Variants in CDH17 observed in about 807,000 individuals in gnomAD.
CDH17 encodes cadherin-17.
In CDH17, 67 loss-of-function variants were observed where a neutral mutation model predicts 86.3. That is an observed-to-expected ratio of 0.78 (90% CI 0.64 to 0.95). The LOEUF is 0.95. Ranked by LOEUF, CDH17 falls within the 40% of genes least tolerant of loss-of-function variation. The pLI is 0.00. For synonymous variants in CDH17, 367 were observed against 366.4 expected (o/e 1.00, Z -0.02); for missense variants, 993 against 1,017.6 (o/e 0.98, Z 0.33).
Position 94,127,511 on chromosome 8 carries a change from A to AT in CDH17, c.*728dup, listed in dbSNP as rs553491596. 1.3e-5 allele frequency: 2 copies of AT among 152,154 alleles called. No individual in the cohort carries two copies. The highest frequency in any genetic ancestry group is 2.9e-5 in the Non-Finnish European group (2 of 68,020). The allele number at this position is 152,154 out of a possible 1,614,324, so 9.4% of individuals were successfully genotyped here. ...TACTAAGGGAAAAGGCTGTTCTTTT[A>AT]TTTATTTATTTTTCCTGAGTCCTCA... is the stretch of plus-strand genomic sequence containing the variant. On this transcript the variant is annotated 3_prime_UTR_variant, in exon 18 of 18. Coordinates refer to ENST00000027335, the MANE Select transcript of CDH17 (RefSeq NM_004063.4).
chr8:94,149,003 TG>T, intron 13 of CDH17, 129 bp from the exon 14 acceptor site: 1 of 631,788 alleles, frequency 1.6e-6, no homozygotes, highest in Non-Finnish European at 2.5e-6. Flanking sequence ...CAAATGATAA[TG>T]CTGAGATTAT....
At chr8:94,189,949 C>A (rs1212263042) in intron 2 of CDH17, among the ~76,000 whole-genome samples, 2 of 152,168 alleles carry the variant, frequency 1.3e-5, no homozygotes, top group African/African-American at 4.8e-5. Context: ...TAAGCAGTAG[C>A]CCCACAATGG....
chr8:94,157,579 T>C lies in CDH17; in HGVS notation c.1551+2392A>G, dbSNP rs530034231. 4.0e-4 allele frequency among the ~76,000 whole-genome samples: 61 copies of C among 152,298 alleles called. 1 individual carries two copies. The South Asian group carries it at 0.013, about 32-fold the overall frequency. ...GAAAGTTTGTTAATTAGCAAAGTGA[T>C]CTTACAAATAAATTTTCTTGGTGAT... is the stretch of plus-strand genomic sequence containing the variant. On this transcript the variant is annotated intron_variant, in intron 12 of 17. Transcript: ENST00000027335.
intron 12 of CDH17, among the ~76,000 whole-genome samples, chr8:94,156,302 G>T (rs1812948147): frequency 2.0e-5 from 3 of 152,176 alleles, no homozygotes; most frequent in African/African-American, 7.2e-5. Context: ...TAGTTTTCCA[G>T]ATGACATTTG....
At chr8:94,209,102 G>C (rs1814082401), upstream of CDH17, among the ~76,000 whole-genome samples, 1 of 152,140 alleles carries the variant, frequency 6.6e-6, no homozygotes, top group African/African-American at 2.4e-5. Context: ...TCCAAAGTCT[G>C]CAAGAAACAA....
At position 94,132,935 on chromosome 8, in the gene CDH17, A is replaced by G. The variant is rs1812448188; in HGVS notation, c.2168-1943T>C. Among the ~76,000 whole-genome samples, 11 of 152,274 alleles carry G rather than the reference A, an allele frequency of 7.2e-5. 1 individual carries two copies. In the South Asian group the frequency reaches 2.3e-3, roughly 32 times the overall value. On this transcript the variant is annotated intron_variant, in intron 15 of 17. Coordinates refer to ENST00000027335, the MANE Select transcript of CDH17 (RefSeq NM_004063.4). ...TTATTAAATAGGGAATCCTTTCCCC[A>G]TTGCTTGTTTTTCTCCGGTTTGTCA...
chr8:94,200,832 C>A (rs1159492863), intron 1 of CDH17, among the ~76,000 whole-genome samples: 1 of 152,106 alleles, frequency 6.6e-6, no homozygotes, highest in African/African-American at 2.4e-5. Context: ...TGACTGAAAA[C>A]AATTTGCTGC....
intron 9 of CDH17, among the ~76,000 whole-genome samples, chr8:94,167,991 T>G (rs1438995916): frequency 1.3e-5 from 2 of 150,150 alleles, no homozygotes; most frequent in African/African-American, 4.9e-5. Flanking sequence ...TATGAATACA[T>G]AAGACTTGGT....
chr8:94,162,106 G>C lies in CDH17; in HGVS notation c.1339C>G (p.Pro447Ala). Residue 447 changes from proline to alanine, a missense_variant, in exon 11 of 18, where the codon CCC becomes GCC. Transcript: ENST00000027335. ...INVIDINDQI[P>A]IFEKSDYGNL... is the part of the protein sequence containing the mutation. Reference sequence around the variant, plus strand: ...CTCACATCTGATTTTTCAAAGATGGGGATCTGATCATTGATATCAATAACG... The same window carrying C: ...CTCACATCTGATTTTTCAAAGATGGCGATCTGATCATTGATATCAATAACG... 2 of 1,601,430 alleles carry C rather than the reference G, an allele frequency of 1.2e-6. No individual in the cohort carries two copies. The highest frequency in any genetic ancestry group is 1.7e-6 in the Non-Finnish European group (2 of 1,168,750).
intron 13 of CDH17, among the ~76,000 whole-genome samples, chr8:94,150,313 G>C (rs930695861): frequency 6.6e-6 from 1 of 152,136 alleles, no homozygotes; most frequent in African/African-American, 2.4e-5. Flanking sequence ...GGACGGCAGG[G>C]GCAAGGACGA....
intron 12 of CDH17, among the ~76,000 whole-genome samples, chr8:94,159,339 T>C (rs1813004084): frequency 6.6e-6 from 1 of 151,988 alleles, no homozygotes. Context: ...AGCAATACAG[T>C]AAAAGGTGAA....
rs186673641 is a variant in CDH17, at chr8:94,128,175, A to C, written c.*65T>G. 396 of 971,874 alleles carry C rather than the reference A, an allele frequency of 4.1e-4. No homozygotes were observed. In the African/African-American group the frequency reaches 5.7e-3, roughly 14 times the overall value. 60.2% of individuals were successfully genotyped at this position (971,874 alleles called of 1,614,324 possible). On this transcript the variant is annotated 3_prime_UTR_variant, in exon 18 of 18. Transcript: ENST00000027335. ...TATAATGCACGTTAGATGAAAAGTA[A>C]TAGGATGAGATGGTTGTTGCTGAAA...
chr8:94,199,046 T>TATATATATATATATAG (rs1813842652), intron 1 of CDH17, among the ~76,000 whole-genome samples: 1 of 20,508 alleles, frequency 4.9e-5, no homozygotes, highest in African/African-American at 2.5e-4. Context: ...TTGATATATA[T>TATATATATATATATAG]ATATATATAT....
Position 94,162,121 on chromosome 8 carries a change from T to C in CDH17, c.1324A>G (p.Ile442Val). Residue 442 changes from isoleucine to valine, a missense_variant, in exon 11 of 18, where the codon ATC (isoleucine) becomes GTC (valine). Ile to Val is a conservative substitution (Grantham distance 29). Transcript: ENST00000027335. ...TCAAAGATGGGGATCTGATCATTGATATCAATAACGTTGATTTGCACAAAA... is the reference window on the plus strand; with the variant it reads ...TCAAAGATGGGGATCTGATCATTGACATCAATAACGTTGATTTGCACAAAA... ...LCFVQINVID[I>V]NDQIPIFEKS... 6.2e-7 allele frequency: 1 copy of C among 1,608,314 alleles called. No individual in the cohort carries two copies. Among genetic ancestry groups the C allele is most frequent in the Non-Finnish European group, 8.5e-7 (1 of 1,174,838 alleles).
intron 15 of CDH17, among the ~76,000 whole-genome samples, chr8:94,136,391 A>G (rs1181590710): frequency 6.6e-6 from 1 of 151,934 alleles, no homozygotes; most frequent in Non-Finnish European, 1.5e-5. Context: ...CATTAATTTG[A>G]TCTTCAATCA....
chr8:94,160,674 T>G (rs1016053124), intron 11 of CDH17, among the ~76,000 whole-genome samples: 3 of 152,206 alleles, frequency 2.0e-5, no homozygotes, highest in African/African-American at 7.2e-5. Context: ...AGTTTCATCA[T>G]CTGTCCAATG....
At chr8:94,159,473 T>C (rs933923318) in intron 12 of CDH17, among the ~76,000 whole-genome samples, 2 of 152,094 alleles carry the variant, frequency 1.3e-5, no homozygotes, top group Non-Finnish European at 2.9e-5. Context: ...GTTTACAGCC[T>C]AAAAGGCCCA....
chr8:94,165,892 TG>T lies in CDH17; in HGVS notation c.1150del (p.Gln384LysfsTer12), dbSNP rs753317765. On this transcript the variant is annotated frameshift_variant, in exon 10 of 18. Transcript: ENST00000027335. LOFTEE classifies it high-confidence loss of function. Reference protein sequence around the residue: ...NSFLNYRIVEQTPKLPMDGLF... With the variant: ...NSFLNYRIVEXTPKLPMDGLF... ...TCCATCCATGGGAAGTTTGGGAGTT[TG>T]CTCCACAATCCTGTAGTTTAGAAAA... 3 of 1,613,912 alleles carry T rather than the reference TG, an allele frequency of 1.9e-6. No individual in the cohort carries two copies. The East Asian group carries it at 6.7e-5, about 36-fold the overall frequency.
intron 1 of CDH17, among the ~76,000 whole-genome samples, chr8:94,216,146 C>A (rs191257789): frequency 3.8e-4 from 57 of 148,200 alleles, no homozygotes; most frequent in African/African-American, 1.4e-3. Context: ...AGGCCAAATT[C>A]TCCTCCCTTT....
Sources: gnomAD v4.1 joint callset for allele counts (sites outside exome capture counted in the v4.1 genomes callset) on GRCh38, gnomAD v4.1.1 for gene constraint, MANE v1.5 for transcripts, NCBI Gene and HGNC (gene_info 2026-07-23, HGNC 2026-07-21) for gene names.